LMAN2: variants seen among roughly 807,000 people sequenced by gnomAD.
LMAN2 encodes the protein lectin, mannose binding 2.
A neutral mutation model predicts 39.3 loss-of-function variants in LMAN2; 22 were observed. That is an observed-to-expected ratio of 0.56 (90% CI 0.40 to 0.80). The LOEUF (loss-of-function observed/expected upper bound fraction) is 0.80. LMAN2 is among the 30% of genes least tolerant of loss of function. The pLI, the probability that LMAN2 is intolerant of heterozygous loss-of-function variation, is 0.00. For synonymous variants in LMAN2, 207 were observed against 207.8 expected (o/e 1.00, Z 0.03); for missense variants, 494 against 505.4 (o/e 0.98, Z 0.22).
chr5:177,337,330 C>T lies in LMAN2; in HGVS notation c.675+33G>A. 1.2e-6 allele frequency: 2 copies of T among 1,610,368 alleles called. No individual in the cohort carries two copies. The highest frequency in any genetic ancestry group is 1.7e-6 in the Non-Finnish European group (2 of 1,179,610). On this transcript the variant is annotated intron_variant, in intron 5 of 7. Transcript: ENST00000303127. This position sits in a 1 kb window ranked among gnomAD's most constrained non-coding sequence, Gnocchi z 8.2. ...CCTCTGTGGGACCAGCACAGGGCCACCAGCTGCCACCCCCACCGCCTAGCC... is the reference window on the plus strand; with the variant it reads ...CCTCTGTGGGACCAGCACAGGGCCATCAGCTGCCACCCCCACCGCCTAGCC...
intron 2 of LMAN2, among the ~76,000 whole-genome samples, chr5:177,349,913 G>A (rs2127320384): frequency 6.6e-6 from 1 of 152,306 alleles, no homozygotes; most frequent in South Asian, 2.1e-4. Context: ...GAGGAGCCAG[G>A]AGGCAGTGTC....
intron 2 of LMAN2, chr5:177,346,464 T>G (rs972313319): frequency 1.3e-5 from 4 of 296,554 alleles, no homozygotes; most frequent in Non-Finnish European, 1.8e-5. Flanking sequence ...GGTTGTTGTT[T>G]TTTTTTTAAA....
chr5:177,347,981 C>A (rs151154178), intron 2 of LMAN2, among the ~76,000 whole-genome samples: 2 of 152,040 alleles, frequency 1.3e-5, no homozygotes, highest in African/African-American at 4.8e-5. Flanking sequence ...TTAAAAATAA[C>A]CCCATCTCCA....
intron 2 of LMAN2, among the ~76,000 whole-genome samples, chr5:177,349,655 C>A (rs1761693027): frequency 6.6e-6 from 1 of 152,220 alleles, no homozygotes; most frequent in Non-Finnish European, 1.5e-5. Flanking sequence ...TTACTTGTGG[C>A]TACTCCTGAT....
intron 2 of LMAN2, among the ~76,000 whole-genome samples, chr5:177,341,895 GA>G (rs1317251993): frequency 1.3e-5 from 2 of 152,186 alleles, no homozygotes; most frequent in Non-Finnish European, 2.9e-5. Context: ...GGTACAACAT[GA>G]ATGCCTGCTT....
rs368380278 is a variant in LMAN2, at chr5:177,340,719, G to A, written c.316-2114C>T. On this transcript the variant is annotated intron_variant, in intron 2 of 7. Coordinates refer to ENST00000303127, the MANE Select transcript of LMAN2 (RefSeq NM_006816.3). The stretch of plus-strand genomic sequence containing the variant: ...TGGGAGGTGGAGGTTGCAGTGAGCC[G>A]AGATTGTGCCACTGCATTCCAGCCT... Among the ~76,000 whole-genome samples the A allele has an allele frequency of 1.2e-3, 176 of 151,688 alleles. 1 individual carries two copies. The South Asian group carries it at 0.013, about 11-fold the overall frequency.
intron 2 of LMAN2, among the ~76,000 whole-genome samples, chr5:177,350,449 ATAC>A (rs1366820132): frequency 6.6e-6 from 1 of 152,296 alleles, no homozygotes; most frequent in East Asian, 1.9e-4. Context: ...CACTGCTCAC[ATAC>A]TACATACTAC....
intron 6 of LMAN2, among the ~76,000 whole-genome samples, chr5:177,335,186 GCA>G (rs1400765745): frequency 1.3e-5 from 2 of 152,236 alleles, no homozygotes; most frequent in East Asian, 1.9e-4. Context: ...GCTCGGCCAG[GCA>G]CACAGTGTGA....
chr5:177,340,184 C>CA (rs1229468639), intron 2 of LMAN2, among the ~76,000 whole-genome samples: 5 of 151,632 alleles, frequency 3.3e-5, no homozygotes, highest in Non-Finnish European at 7.4e-5. Flanking sequence ...TATTTAGGCA[C>CA]AAAAAAAGAA....
intron 2 of LMAN2, among the ~76,000 whole-genome samples, chr5:177,343,762 G>C (rs894784803): frequency 6.6e-6 from 1 of 152,256 alleles, no homozygotes; most frequent in Non-Finnish European, 1.5e-5. Context: ...AGATGAGGTA[G>C]AATGGTGGTT....
chr5:177,347,316 T>C (rs1440533642), intron 2 of LMAN2, among the ~76,000 whole-genome samples: 2 of 152,080 alleles, frequency 1.3e-5, no homozygotes, highest in Non-Finnish European at 2.9e-5. Context: ...ATTCCCAGCA[T>C]GTTCACGGGG....
At chr5:177,344,479 A>G (rs1330135324) in intron 2 of LMAN2, among the ~76,000 whole-genome samples, 1 of 150,198 alleles carries the variant, frequency 6.7e-6, no homozygotes, top group African/African-American at 2.4e-5. Flanking sequence ...ACGGGGTTTC[A>G]CCATGTTGGC....
intron 2 of LMAN2, 118 bp downstream of exon 2, chr5:177,351,055 A>C: frequency 1.2e-6 from 1 of 846,890 alleles, no homozygotes; most frequent in South Asian, 1.4e-5. Context: ...GACCGAGATG[A>C]GGAAAAGGCC....
At chr5:177,334,800 A>G (rs1761445078) in intron 6 of LMAN2, among the ~76,000 whole-genome samples, 1 of 152,248 alleles carries the variant, frequency 6.6e-6, no homozygotes, top group African/African-American at 2.4e-5. Context: ...GCTCAAAAAC[A>G]GACCCGGGAA....
At position 177,334,455 on chromosome 5, in the gene LMAN2, C is replaced by T. The variant is rs114670284; in HGVS notation, c.791-52G>A. 1,003 of 1,576,950 alleles carry T rather than the reference C, an allele frequency of 6.4e-4. 5 individuals are homozygous for T. In the African/African-American group the frequency reaches 0.012, roughly 19 times the overall value. ...CAGCCTACAGGCCAGCCGCAGGGCA[C>T]GTGGCCCAAGACCCTCCCACAAGGA... On this transcript the variant is annotated intron_variant, in intron 6 of 7. Coordinates refer to ENST00000303127, the MANE Select transcript of LMAN2 (RefSeq NM_006816.3).
chr5:177,348,303 G>GA (rs1761666616), intron 2 of LMAN2, among the ~76,000 whole-genome samples: 1 of 152,098 alleles, frequency 6.6e-6, no homozygotes, highest in Non-Finnish European at 1.5e-5. Context: ...AGAAGAATAT[G>GA]GTAGGCTAAT....
intron 3 of LMAN2, 117 bp downstream of exon 3, chr5:177,338,371 G>A (rs978079560): frequency 2.6e-6 from 2 of 771,560 alleles, no homozygotes; most frequent in African/African-American, 1.7e-5. Flanking sequence ...TTTCCTAACA[G>A]GAGAGGAGAC....
intron 2 of LMAN2, among the ~76,000 whole-genome samples, chr5:177,340,866 T>C (rs1761541122): frequency 6.6e-6 from 1 of 150,978 alleles, no homozygotes; most frequent in African/African-American, 2.4e-5. Flanking sequence ...GCCATTCTCC[T>C]GCCTCAGCCT....
At chr5:177,342,689 A>C (rs1365716560) in intron 2 of LMAN2, among the ~76,000 whole-genome samples, 1 of 152,202 alleles carries the variant, frequency 6.6e-6, no homozygotes, top group African/African-American at 2.4e-5. Flanking sequence ...CTGCCTCAAA[A>C]AACAATAAAC....
Sources: allele counts gnomAD v4.1 joint callset (sites outside exome capture counted in the v4.1 genomes callset), GRCh38; gene constraint gnomAD v4.1.1; non-coding constraint Gnocchi (gnomAD v3.1); transcripts MANE v1.5; gene names NCBI Gene and HGNC (gene_info 2026-07-23, HGNC 2026-07-21).